The following ADAM17 variants were observed in gnomAD, a reference collection of about 807,000 sequenced individuals.
ADAM17 encodes ADAM metallopeptidase domain 17.
ADAM17 carries 39 observed loss-of-function variants against 96.7 expected under a neutral mutation model. The observed-to-expected ratio is 0.40, with a 90% CI of 0.31 to 0.53. ADAM17 has a LOEUF of 0.53. Ranked by LOEUF, ADAM17 falls within the 20% of genes least tolerant of loss-of-function variation. ADAM17 has a pLI of 0.44. For synonymous variants in ADAM17, 344 were observed against 359.2 expected (o/e 0.96, Z 0.48); for missense variants, 777 against 1,013.2 (o/e 0.77, Z 3.17).
intron 5 of ADAM17, among the ~76,000 whole-genome samples, chr2:9,527,324 G>A (rs1345697250): frequency 1.3e-5 from 2 of 150,652 alleles, no homozygotes; most frequent in Admixed American, 1.3e-4. Flanking sequence ...CCTAACCAGA[G>A]GTGTTTTGGG....
At chr2:9,502,141 C>T in intron 13 of ADAM17, 32 bp downstream of exon 13, 1 of 1,569,322 alleles carries the variant, frequency 6.4e-7, no homozygotes, top group Non-Finnish European at 8.8e-7. Context: ...ACTTGACCCA[C>T]AGCATTCCAA....
At chr2:9,551,258 G>C (rs577842249) in intron 1 of ADAM17, among the ~76,000 whole-genome samples, 436 of 151,954 alleles carry the variant, frequency 2.9e-3, no homozygotes, top group Non-Finnish European at 5.5e-3. Context: ...AAAAGGAAGG[G>C]GGGGAACGGA....
chr2:9,526,619 A>C (rs1664541876), intron 5 of ADAM17, among the ~76,000 whole-genome samples: 1 of 152,148 alleles, frequency 6.6e-6, no homozygotes, highest in South Asian at 2.1e-4. Context: ...AACATGATGA[A>C]ACCCCATCTC....
intron 14 of ADAM17, 126 bp downstream of exon 14, chr2:9,496,988 T>C: frequency 7.1e-7 from 1 of 1,417,072 alleles, no homozygotes; most frequent in Middle Eastern, 2.3e-4. Context: ...CCCTTCCCCA[T>C]CCCCTCATCC....
chr2:9,555,622 C>A lies in ADAM17; in HGVS notation c.-17G>T. On this transcript the variant is annotated 5_prime_UTR_variant, in exon 1 of 19. Coordinates refer to ENST00000310823, the MANE Select transcript of ADAM17 (RefSeq NM_003183.6). The stretch of plus-strand genomic sequence containing the variant: ...CTGCCTCATGTTCCCGGCCCCGCTA[C>A]CGACTCCACCTCTCTGGGCAGCCTT... 1 of 1,547,964 alleles carries A rather than the reference C, an allele frequency of 6.5e-7. No homozygotes were observed. Among genetic ancestry groups the A allele is most frequent in the Admixed American group, 2.0e-5 (1 of 50,596 alleles).
intron 11 of ADAM17, among the ~76,000 whole-genome samples, chr2:9,506,364 T>G (rs904461696): frequency 7.0e-5 from 10 of 141,888 alleles, no homozygotes; most frequent in Non-Finnish European, 1.2e-4. Context: ...AATCTGTTTT[T>G]TTTTTTTTTT....
At chr2:9,512,559 T>C (rs1663801764) in intron 10 of ADAM17, 1 of 152,226 alleles carries the variant, frequency 6.6e-6, no homozygotes. Context: ...TGTCCTCCTT[T>C]TACCTGATCC....
At chr2:9,542,968 G>A (rs1665270734) in intron 2 of ADAM17, among the ~76,000 whole-genome samples, 185 bp downstream of exon 2, 1 of 152,152 alleles carries the variant, frequency 6.6e-6, no homozygotes, top group Admixed American at 6.5e-5. Flanking sequence ...AAAGTGCTCG[G>A]ATTATAGGCG....
chr2:9,489,112 T>G lies in ADAM17; in HGVS notation c.*1065A>C, dbSNP rs969667977. On this transcript the variant is annotated 3_prime_UTR_variant, in exon 19 of 19. Transcript: ENST00000310823. ...CCCCCAACCCTAAGGGCAGGTAGTA[T>G]TCTATCTCCTGGCTGGCTCATCACA... 5.3e-5 allele frequency: 8 copies of G among 152,250 alleles called. No individual in the cohort carries two copies. The highest frequency in any genetic ancestry group is 2.6e-4 in the Admixed American group (4 of 15,292). The allele number at this position is 152,250 out of a possible 1,614,324, so 9.4% of individuals were successfully genotyped here. A position where few individuals can be genotyped will look rare whatever the true frequency, so the allele number is the denominator to read the frequency against.
intron 13 of ADAM17, among the ~76,000 whole-genome samples, chr2:9,501,365 A>G (rs1463659737): frequency 2.0e-5 from 3 of 152,186 alleles, no homozygotes; most frequent in Non-Finnish European, 2.9e-5. Flanking sequence ...GACACAGGCA[A>G]CCTAGCAGTG....
intron 8 of ADAM17, 100 bp downstream of exon 8, chr2:9,521,103 T>C (rs531994727): frequency 4.4e-6 from 4 of 913,620 alleles, no homozygotes; most frequent in Non-Finnish European, 7.0e-6. Context: ...CTTCTGGGTG[T>C]CCATCTTTTC....
intron 4 of ADAM17, among the ~76,000 whole-genome samples, chr2:9,528,885 T>G (rs1171843335): frequency 6.6e-6 from 1 of 152,148 alleles, no homozygotes; most frequent in Non-Finnish European, 1.5e-5. Context: ...TAGAAAACAG[T>G]CTGGCAGGTC....
intron 9 of ADAM17, 50 bp from the exon 10 acceptor site, chr2:9,518,039 T>G: frequency 1.3e-6 from 2 of 1,575,978 alleles, no homozygotes; most frequent in Non-Finnish European, 1.7e-6. Flanking sequence ...TACAGAATTA[T>G]AATATAATCC....
At chr2:9,520,668 A>G (rs999985601) in intron 8 of ADAM17, among the ~76,000 whole-genome samples, 1 of 152,178 alleles carries the variant, frequency 6.6e-6, no homozygotes, top group African/African-American at 2.4e-5. Flanking sequence ...ATTAAGGTTA[A>G]GACGCACTGC....
At chr2:9,528,601 CTGTT>C (rs562391557) in intron 4 of ADAM17, among the ~76,000 whole-genome samples, 376 of 152,266 alleles carry the variant, frequency 2.5e-3, no homozygotes, top group Middle Eastern at 0.014. Flanking sequence ...AGTCAAAAGG[CTGTT>C]TGTTTGTTTT....
At chr2:9,525,278 G>A (rs1021981525) in intron 6 of ADAM17, among the ~76,000 whole-genome samples, 2 of 146,036 alleles carry the variant, frequency 1.4e-5, no homozygotes, top group Non-Finnish European at 3.0e-5. Context: ...CAGCCTGGGC[G>A]ACACAGTGAG....
In ADAM17 at chr2:9,517,989, G is replaced by C; in HGVS notation, c.1103C>G (p.Ala368Gly). ...TTTCTTCCCAACTGGGCTATAATAA[G>C]CTAAAGTCAAAAGGAAACAGAGATA... is the stretch of plus-strand genomic sequence containing the variant. ...ANSHGGVCPK[A>G]YYSPVGKKNI... Residue 368 changes from alanine to glycine, a missense_variant and splice_region_variant, in exon 10 of 19, where the codon GCT becomes GGT. By Grantham distance (60) the Ala-to-Gly change is moderately conservative. Transcript: ENST00000310823. The C allele has an allele frequency of 3.8e-6, 6 of 1,593,988 alleles. No individual in the cohort carries two copies. The highest frequency in any genetic ancestry group is 5.1e-6 in the Non-Finnish European group (6 of 1,173,600).
Position 9,526,119 on chromosome 2 carries a change from T to C in ADAM17, c.745A>G (p.Asn249Asp), listed in dbSNP as rs369378891. Residue 249 changes from asparagine to aspartate, a missense_variant, in exon 6 of 19, where the codon AAT (asparagine) becomes GAT (aspartate). Transcript: ENST00000310823. ...MGRGEESTTT[N>D]YLIELIDRVD... The stretch of plus-strand genomic sequence containing the variant: ...CAATATCAAATACTTACTAAGTAAT[T>C]TGTAGTTGTACTCTCTTCCCCTCTG... 3.7e-6 allele frequency: 6 copies of C among 1,605,070 alleles called. No individual in the cohort carries two copies. Among genetic ancestry groups the C allele is most frequent in the Non-Finnish European group, 5.1e-6 (6 of 1,176,864 alleles).
intron 10 of ADAM17, chr2:9,512,324 T>C (rs1663790701): frequency 6.6e-6 from 1 of 152,108 alleles, no homozygotes; most frequent in Non-Finnish European, 1.5e-5. Flanking sequence ...AAGAGGAAAG[T>C]TCTGGAAGAC....
Sources: gnomAD v4.1 joint callset for allele counts (sites outside exome capture counted in the v4.1 genomes callset) on GRCh38, gnomAD v4.1.1 for gene constraint, MANE v1.5 for transcripts, NCBI Gene and HGNC (gene_info 2026-07-23, HGNC 2026-07-21) for gene names.